Variants in BAZ1B observed in about 807,000 individuals in gnomAD.
BAZ1B encodes the protein bromodomain adjacent to zinc finger domain 1B.
BAZ1B carries 22 observed loss-of-function variants against 153.8 expected under a neutral mutation model. That is an observed-to-expected ratio of 0.14 (90% CI 0.10 to 0.20). BAZ1B has a LOEUF of 0.20. BAZ1B is among the 10% of genes least tolerant of loss of function. The pLI, the probability that BAZ1B is intolerant of heterozygous loss-of-function variation, is 1.00. For missense variants in BAZ1B, 1,325 were observed against 1,799.3 expected, an observed-to-expected ratio of 0.74 and a Z score of 4.77; for synonymous variants, 676 against 633.4, an observed-to-expected ratio of 1.07 and a Z score of -1.01.
Position 73,470,494 on chromosome 7 carries a change from T to TA in BAZ1B, c.2594-12dup, listed in dbSNP as rs782052787. On this transcript the variant is annotated splice_polypyrimidine_tract_variant and intron_variant, in intron 7 of 19. Transcript: ENST00000339594. ...GGCGTTCCAGTTTCACTGTTAAAAA[T>TA]AAAAAGACTCAAATCAGATATTTTC... The TA allele has an allele frequency of 6.2e-7, 1 of 1,609,608 alleles. No homozygotes were observed. The highest frequency in any genetic ancestry group is 8.5e-7 in the Non-Finnish European group (1 of 1,178,706).
rs1032165272 is a variant in BAZ1B at position 73,522,277 on chromosome 7, C to G, written c.-344G>C. The G allele has an allele frequency of 2.7e-6, 1 of 374,152 alleles. No homozygotes were observed. The highest frequency in any genetic ancestry group is 4.8e-6 in the Non-Finnish European group (1 of 210,486). 23.2% of individuals were successfully genotyped at this position (374,152 alleles called of 1,614,324 possible). A position where few individuals can be genotyped will look rare whatever the true frequency, so the allele number is the denominator to read the frequency against. ...GGAGATTCCCCTCCTCCCCCGGGCCCGGCCAACGCACACACTAACTTGCTC... is the reference window on the plus strand; with the variant it reads ...GGAGATTCCCCTCCTCCCCCGGGCCGGGCCAACGCACACACTAACTTGCTC... On this transcript the variant is annotated 5_prime_UTR_variant, in exon 1 of 20. Transcript: ENST00000339594.
intron 12 of BAZ1B, among the ~76,000 whole-genome samples, chr7:73,461,899 G>C (rs1331203923): frequency 6.6e-6 from 1 of 152,174 alleles, no homozygotes; most frequent in East Asian, 1.9e-4. Context: ...AGATCAGCCA[G>C]GGCAACATAG....
chr7:73,471,683 A>G (rs1418706825), intron 7 of BAZ1B, among the ~76,000 whole-genome samples: 4 of 152,182 alleles, frequency 2.6e-5, no homozygotes, highest in Admixed American at 6.5e-5. Flanking sequence ...TCTATTGACA[A>G]TAACATCTAC....
intron 6 of BAZ1B, among the ~76,000 whole-genome samples, chr7:73,480,040 G>T (rs994772745): frequency 6.6e-6 from 1 of 151,804 alleles, no homozygotes; most frequent in African/African-American, 2.4e-5. Context: ...ATGGTGGCGG[G>T]TGCCTGTAGT....
chr7:73,478,207 T>G lies in BAZ1B; in HGVS notation c.1254A>C (p.Thr418=). 1.9e-6 allele frequency: 3 copies of G among 1,614,138 alleles called. No individual in the cohort carries two copies. Among genetic ancestry groups the G allele is most frequent in the Non-Finnish European group, 2.5e-6 (3 of 1,180,022 alleles). Residue 418 remains threonine, a synonymous_variant, in exon 7 of 20, where the codon ACA becomes ACC. Coordinates refer to ENST00000339594, the MANE Select transcript of BAZ1B (RefSeq NM_032408.4). The part of the protein sequence containing the change: ...SKGILNGQKS[T]GNSKSPKKGL... ...CTTTTTTGGGAGATTTGGAATTCCC[T>G]GTGGATTTCTGTCCATTCAGGATGC... is the stretch of plus-strand genomic sequence containing the variant.
In BAZ1B at chr7:73,485,502, G is replaced by A. The variant is rs189637822; in HGVS notation, c.891+3692C>T. Among the ~76,000 whole-genome samples the A allele has an allele frequency of 5.3e-4, 80 of 151,894 alleles. 2 individuals carry two copies. In the East Asian group the frequency reaches 0.013, roughly 24 times the overall value. ...TCAGTTGGGCATGGTGGTGAGCACC[G>A]GTAATCCTAGCTAGTCAGAAGCATG... On this transcript the variant is annotated intron_variant, in intron 6 of 19. Transcript: ENST00000339594.
At chr7:73,505,631 G>GA (rs35221024) in intron 3 of BAZ1B, among the ~76,000 whole-genome samples, 78 of 145,290 alleles carry the variant, frequency 5.4e-4, no homozygotes, top group South Asian at 8.7e-4. Flanking sequence ...TCCTGAGAGG[G>GA]AAAAAAAAAA....
chr7:73,467,944 G>A (rs935530109), intron 9 of BAZ1B, among the ~76,000 whole-genome samples: 9 of 152,078 alleles, frequency 5.9e-5, no homozygotes, highest in African/African-American at 2.2e-4. Context: ...ATCTATGCTC[G>A]ATATAATTCA....
intron 6 of BAZ1B, among the ~76,000 whole-genome samples, chr7:73,481,083 T>C (rs1302027024): frequency 1.3e-5 from 2 of 151,950 alleles, no homozygotes; most frequent in Non-Finnish European, 2.9e-5. Context: ...TGCGCCACCA[T>C]ACCTGGCTAA....
At chr7:73,455,729 G>C (rs1554569453) in intron 13 of BAZ1B, among the ~76,000 whole-genome samples, 1 of 152,154 alleles carries the variant, frequency 6.6e-6, no homozygotes, top group Non-Finnish European at 1.5e-5. Context: ...GCTGCAGCGA[G>C]CCATGACTGC....
At chr7:73,512,298 G>C (rs1790619364) in intron 1 of BAZ1B, among the ~76,000 whole-genome samples, 1 of 149,562 alleles carries the variant, frequency 6.7e-6, no homozygotes. Context: ...TTTTTTGTGT[G>C]ATTTTTTTTT....
chr7:73,442,054 G>C, intron 19 of BAZ1B, 127 bp downstream of exon 19: 3 of 701,602 alleles, frequency 4.3e-6, no homozygotes, highest in Non-Finnish European at 7.1e-6. Flanking sequence ...AGAGCTTTTA[G>C]AAAAACAGCA....
chr7:73,454,503 G>A (rs868930373), intron 13 of BAZ1B, among the ~76,000 whole-genome samples: 2 of 152,188 alleles, frequency 1.3e-5, no homozygotes, highest in Non-Finnish European at 2.9e-5. Flanking sequence ...GCCTCAGGAA[G>A]AAATGTAGGG....
At chr7:73,460,192 GAAAAAA>G (rs782211272) in intron 12 of BAZ1B, among the ~76,000 whole-genome samples, 2 of 73,872 alleles carry the variant, frequency 2.7e-5, no homozygotes, top group African/African-American at 4.9e-5. Flanking sequence ...CCGTCTCAGG[GAAAAAA>G]AAAAAAAAAA....
intron 10 of BAZ1B, 77 bp from the exon 11 acceptor site, chr7:73,465,614 G>C (rs1230944590): frequency 5.4e-6 from 5 of 918,816 alleles, no homozygotes; most frequent in Admixed American, 2.3e-5. Flanking sequence ...AAGGGATCTA[G>C]AGTTGGTGGT....
At chr7:73,493,595 C>T (rs1444770559) in intron 4 of BAZ1B, among the ~76,000 whole-genome samples, 8 of 152,052 alleles carry the variant, frequency 5.3e-5, no homozygotes, top group East Asian at 1.9e-4. Flanking sequence ...AATCCCAGCA[C>T]TTTGGGAGGC....
At chr7:73,458,056 T>TA (rs1333604327) in intron 13 of BAZ1B, among the ~76,000 whole-genome samples, 1 of 152,242 alleles carries the variant, frequency 6.6e-6, no homozygotes, top group East Asian at 1.9e-4. Flanking sequence ...TTATCATACT[T>TA]AAGGAGAGGG....
intron 15 of BAZ1B, among the ~76,000 whole-genome samples, chr7:73,447,781 C>T (rs1416178352): frequency 1.3e-5 from 2 of 152,220 alleles, no homozygotes; most frequent in Non-Finnish European, 2.9e-5. Context: ...AAAGAATAAA[C>T]AGAGCCCAGA....
chr7:73,484,890 A>G (rs1789345120), intron 6 of BAZ1B, among the ~76,000 whole-genome samples: 1 of 152,206 alleles, frequency 6.6e-6, no homozygotes, highest in Admixed American at 6.5e-5. Context: ...ATTAGAAGAG[A>G]CCAAAGAGAC....
Sources: allele counts gnomAD v4.1 joint callset (sites outside exome capture counted in the v4.1 genomes callset), GRCh38; gene constraint gnomAD v4.1.1; transcripts MANE v1.5; gene names NCBI Gene and HGNC (gene_info 2026-07-23, HGNC 2026-07-21).